The following UNC5D variants were observed in gnomAD, a reference collection of about 807,000 sequenced individuals.
UNC5D encodes unc-5 netrin receptor D.
Under a neutral mutation model 105.4 loss-of-function variants are expected in UNC5D, and 39 were observed. The ratio of observed to expected loss-of-function variants is 0.37; its 90% confidence interval spans 0.29 to 0.48. The LOEUF (loss-of-function observed/expected upper bound fraction) is 0.48, where lower values mean the gene tolerates loss of function less well. Among genes scored for constraint, UNC5D ranks in the 20% least tolerant of loss-of-function variants. The pLI is 0.98. For missense variants in UNC5D, 991 were observed against 1,202.4 expected, an observed-to-expected ratio of 0.82 and a Z score of 2.60; for synonymous variants, 452 against 450.4, an observed-to-expected ratio of 1.00 and a Z score of -0.04.
chr8:35,563,245 A>G (rs1817088360), intron 2 of UNC5D, among the ~76,000 whole-genome samples: 1 of 151,392 alleles, frequency 6.6e-6, no homozygotes, highest in Non-Finnish European at 1.5e-5. Flanking sequence ...TGAACATGGA[A>G]TATCTTTACT....
At chr8:35,692,241 T>G (rs2131377897) in intron 7 of UNC5D, among the ~76,000 whole-genome samples, 1 of 152,322 alleles carries the variant, frequency 6.6e-6, no homozygotes, top group East Asian at 1.9e-4. Context: ...CCAAGCTACA[T>G]CTAATAATCT....
chr8:35,486,743 C>T (rs1585955162), intron 1 of UNC5D, among the ~76,000 whole-genome samples: 1 of 152,098 alleles, frequency 6.6e-6, no homozygotes, highest in African/African-American at 2.4e-5. Context: ...CATTATTGCC[C>T]ATATGAAAAG....
intron 7 of UNC5D, among the ~76,000 whole-genome samples, chr8:35,695,603 A>T (rs1459724302): frequency 1.3e-5 from 2 of 152,234 alleles, no homozygotes; most frequent in East Asian, 3.9e-4. Flanking sequence ...CACCTGAACC[A>T]CAGGTGAGAA....
intron 1 of UNC5D, among the ~76,000 whole-genome samples, chr8:35,286,869 T>G (rs566699462): frequency 1.3e-5 from 2 of 152,146 alleles, no homozygotes; most frequent in Non-Finnish European, 2.9e-5. Flanking sequence ...CATACAGCCG[T>G]GCCCAACTAC....
chr8:35,389,976 A>G (rs543413520), intron 1 of UNC5D, among the ~76,000 whole-genome samples: 52 of 152,342 alleles, frequency 3.4e-4, no homozygotes, highest in African/African-American at 1.2e-3. Flanking sequence ...AGACAGAGTA[A>G]TTCATAAAGA....
At chr8:35,573,741 A>T (rs1408549715) in intron 3 of UNC5D, among the ~76,000 whole-genome samples, 4 of 152,304 alleles carry the variant, frequency 2.6e-5, no homozygotes, top group African/African-American at 7.2e-5. Flanking sequence ...GTGTGTGTAC[A>T]CATGCATGCA....
In UNC5D at chr8:35,434,697, A is replaced by G. The variant is rs954348130; in HGVS notation, c.104-114595A>G. 3.9e-5 allele frequency among the ~76,000 whole-genome samples: 6 copies of G among 152,264 alleles called. No individual in the cohort carries two copies. In the East Asian group the frequency reaches 7.7e-4, roughly 20 times the overall value. Reference sequence around the variant, plus strand: ...TAATTAGAAGTGGTTTTCATATACCATTCATTAGGAGGCATATATTTTTCA... The same window carrying G: ...TAATTAGAAGTGGTTTTCATATACCGTTCATTAGGAGGCATATATTTTTCA... On this transcript the variant is annotated intron_variant, in intron 1 of 16. Coordinates refer to ENST00000404895, the MANE Select transcript of UNC5D (RefSeq NM_080872.4).
At chr8:35,270,451 C>A (rs1053998456) in intron 1 of UNC5D, among the ~76,000 whole-genome samples, 1 of 152,100 alleles carries the variant, frequency 6.6e-6, no homozygotes, top group Non-Finnish European at 1.5e-5. Context: ...TATGAGAAAC[C>A]ATTTTCTGAC....
rs1170557191 is a variant in UNC5D at position 35,549,485 on chromosome 8, T to G, written c.297T>G (p.Ser99=). The G allele has an allele frequency of 1.2e-6, 2 of 1,611,984 alleles. No homozygotes were observed. Among genetic ancestry groups the G allele is most frequent in the African/African-American group, 2.7e-5 (2 of 74,868 alleles). Residue 99 remains serine (S), a synonymous_variant, in exon 2 of 17, where the codon TCT becomes TCG. Coordinates refer to ENST00000404895, the MANE Select transcript of UNC5D (RefSeq NM_080872.4). The part of the protein sequence containing the change: ...GEWVHQNEHV[S]EETLDESSGL... The stretch of plus-strand genomic sequence containing the variant: ...GGGTCCATCAGAACGAGCACGTCTC[T>G]GAAGAGACTCTGGACGAGAGCTCAG...
chr8:35,617,326 C>T lies in UNC5D; in HGVS notation c.570+21669C>T, dbSNP rs75511926. Among the ~76,000 whole-genome samples, 1,012 of 152,230 alleles carry T rather than the reference C, an allele frequency of 6.6e-3. 7 individuals carry two copies. Among genetic ancestry groups the T allele is most frequent in the African/African-American group, 0.022 (928 of 41,518 alleles). On this transcript the variant is annotated intron_variant, in intron 4 of 16. Coordinates refer to ENST00000404895, the MANE Select transcript of UNC5D (RefSeq NM_080872.4). ...TGCCCCCACCCTGGAGAGTTTTCTGCGTAACTGCTAGTAAAATAGAGCATG... is the reference window on the plus strand; with the variant it reads ...TGCCCCCACCCTGGAGAGTTTTCTGTGTAACTGCTAGTAAAATAGAGCATG...
chr8:35,340,779 A>C (rs1361491561), intron 1 of UNC5D, among the ~76,000 whole-genome samples: 1 of 152,134 alleles, frequency 6.6e-6, no homozygotes, highest in African/African-American at 2.4e-5. Flanking sequence ...GGATATAAGG[A>C]TTTGTTGGTT....
At chr8:35,578,070 T>C (rs2099682) in intron 3 of UNC5D, among the ~76,000 whole-genome samples, 15,818 of 150,986 alleles carry the variant, frequency 0.1, 880 homozygotes, top group African/African-American at 0.14. Context: ...ACTAAACATA[T>C]AAAAATTAGC....
intron 1 of UNC5D, among the ~76,000 whole-genome samples, chr8:35,416,330 C>G (rs1805533399): frequency 6.6e-6 from 1 of 152,078 alleles, no homozygotes; most frequent in Non-Finnish European, 1.5e-5. Flanking sequence ...AAAAAACACT[C>G]TAAAGAGAAG....
chr8:35,335,756 ATT>A (rs35774459), intron 1 of UNC5D, among the ~76,000 whole-genome samples: 1,261 of 90,370 alleles, frequency 0.014, 4 homozygotes, highest in Admixed American at 0.018. Flanking sequence ...AGAGATTGCA[ATT>A]TTTTTTTTTT....
chr8:35,268,406 A>G (rs1805041517), intron 1 of UNC5D, among the ~76,000 whole-genome samples: 1 of 152,148 alleles, frequency 6.6e-6, no homozygotes, highest in South Asian at 2.1e-4. Context: ...TCCACTCTAA[A>G]AGCCATTACA....
chr8:35,551,673 C>T (rs1304514667), intron 2 of UNC5D, among the ~76,000 whole-genome samples: 1 of 151,894 alleles, frequency 6.6e-6, no homozygotes, highest in Non-Finnish European at 1.5e-5. Flanking sequence ...CAAAAATTAG[C>T]CAGGGTTGGT....
chr8:35,595,475 C>A lies in UNC5D; in HGVS notation c.467-79C>A, dbSNP rs1476092107. ...TGTGTCTAGGTTGTGATATTAAGCTCACTTTTTTTGTACTTGGACCAAATT... is the reference window on the plus strand; with the variant it reads ...TGTGTCTAGGTTGTGATATTAAGCTAACTTTTTTTGTACTTGGACCAAATT... On this transcript the variant is annotated intron_variant, in intron 3 of 16. Transcript: ENST00000404895. 4.0e-6 allele frequency: 5 copies of A among 1,243,876 alleles called. No individual in the cohort carries two copies. The African/African-American group carries it at 7.4e-5, about 18-fold the overall frequency. 77.1% of individuals were successfully genotyped at this position (1,243,876 alleles called of 1,614,324 possible).
chr8:35,683,127 A>G lies in UNC5D; in HGVS notation c.571-420A>G, dbSNP rs547182474. ...TCTTGACTTAAAACCTTGTCTAATA[A>G]TATAATATCCTCTCACACAAAATAC... On this transcript the variant is annotated intron_variant, in intron 4 of 16. Coordinates refer to ENST00000404895, the MANE Select transcript of UNC5D (RefSeq NM_080872.4). Among the ~76,000 whole-genome samples, 6 of 152,330 alleles carry G rather than the reference A, an allele frequency of 3.9e-5. No homozygotes were observed. In the South Asian group the frequency reaches 6.2e-4, roughly 16 times the overall value.
intron 1 of UNC5D, among the ~76,000 whole-genome samples, chr8:35,458,905 A>C (rs530160976): frequency 4.6e-5 from 7 of 152,258 alleles, no homozygotes; most frequent in Admixed American, 2.0e-4. Context: ...AGACCAAGAC[A>C]TTGTGGGGTT....
Sources: allele counts gnomAD v4.1 joint callset (sites outside exome capture counted in the v4.1 genomes callset), GRCh38; gene constraint gnomAD v4.1.1; transcripts MANE v1.5; gene names NCBI Gene and HGNC (gene_info 2026-07-23, HGNC 2026-07-21).